OGFRL1: variants seen among roughly 807,000 people sequenced by gnomAD.
OGFRL1 encodes opioid growth factor receptor like 1.
In OGFRL1, 26 loss-of-function variants were observed where a neutral mutation model predicts 32.4. The ratio of observed to expected loss-of-function variants is 0.80; its 90% CI spans 0.59 to 1.11. OGFRL1 has a LOEUF of 1.11. OGFRL1 is among the 50% of genes most tolerant of loss of function. The pLI is 0.00. For synonymous variants in OGFRL1, 211 were observed against 201.2 expected, an observed-to-expected ratio of 1.05 and a Z score of -0.41; for missense variants, 521 against 546.4, an observed-to-expected ratio of 0.95 and a Z score of 0.46.
chr6:71,300,788 T>C (rs1766357168), intron 6 of OGFRL1, among the ~76,000 whole-genome samples: 1 of 152,206 alleles, frequency 6.6e-6, no homozygotes, highest in Admixed American at 6.5e-5. Flanking sequence ...TGAACTCAGG[T>C]CTGACTCCAA....
chr6:71,299,871 G>A (rs1007978791), intron 6 of OGFRL1, among the ~76,000 whole-genome samples: 20 of 152,182 alleles, frequency 1.3e-4, no homozygotes, highest in African/African-American at 4.8e-4. Flanking sequence ...TGAATGTTAA[G>A]ACAATAATTT....
At position 71,293,556 on chromosome 6, in the gene OGFRL1, A is replaced by G; in HGVS notation, c.345A>G (p.Gln115=). ...QYPNFKDIRY[Q]NDLSNLRFYK... ...AGAACTTCAAAGATATCCGATATCA[A>G]AATGACTTGAGCAATCTTCGTTTTT... is the stretch of plus-strand genomic sequence containing the variant. The change falls in exon 3 of 7, where the codon CAA becomes CAG. Residue 115 remains glutamine (Q), a synonymous_variant. Transcript: ENST00000370435. 6.2e-7 allele frequency: 1 copy of G among 1,613,246 alleles called. No homozygotes were observed. Among genetic ancestry groups the G allele is most frequent in the Non-Finnish European group, 8.5e-7 (1 of 1,179,438 alleles).
At chr6:71,289,241 C>G in intron 1 of OGFRL1, 71 bp downstream of exon 1, 1 of 1,027,160 alleles carries the variant, frequency 9.7e-7, no homozygotes, top group East Asian at 9.4e-5. Context: ...AGTGCCAAGC[C>G]GCCCTCGCGC....
Position 71,307,546 on chromosome 6 carries a change from G to T in OGFRL1, c.*5497G>T, listed in dbSNP as rs1047129587. 1 of 152,024 alleles carries T rather than the reference G, an allele frequency of 6.6e-6. No individual in the cohort carries two copies. The highest frequency in any genetic ancestry group is 2.4e-5 in the African/African-American group (1 of 41,396). 9.4% of individuals were successfully genotyped at this position (152,024 alleles called of 1,614,324 possible). A position where few individuals can be genotyped will look rare whatever the true frequency, so the allele number is the denominator to read the frequency against. On this transcript the variant is annotated 3_prime_UTR_variant, in exon 7 of 7. Transcript: ENST00000370435. The stretch of plus-strand genomic sequence containing the variant: ...AAATTAGGGAAGTTGTTCATTCACA[G>T]CTGTATATTAATATAAAATCTCTTT...
rs1135027 is a variant in OGFRL1, at chr6:71,303,048, G to C, written c.*999G>C. ...CTCCATATTCAGGGGTCCAGCATCT[G>C]TGGATTCAACCAACCGCAGATTGAA... On this transcript the variant is annotated 3_prime_UTR_variant, in exon 7 of 7. Transcript: ENST00000370435. 32,974 of 152,052 alleles carry C rather than the reference G, an allele frequency of 0.22. 3,881 individuals carry two copies. The highest frequency in any genetic ancestry group is 0.34 in the East Asian group (1,745 of 5,150). The allele number at this position is 152,052 out of a possible 1,614,324, so 9.4% of individuals were successfully genotyped here.
chr6:71,289,461 A>C (rs1355101686), intron 1 of OGFRL1: 1 of 981,616 alleles, frequency 1.0e-6, no homozygotes, highest in East Asian at 1.2e-4. Flanking sequence ...TTGCCTCTGC[A>C]GAGCAGCTGG....
In OGFRL1 at chr6:71,288,925, G is replaced by C; in HGVS notation, c.-12G>C. On this transcript the variant is annotated 5_prime_UTR_variant, in exon 1 of 7. Transcript: ENST00000370435. ...GCAGCCCCGCAGCCCCGCGCCCGCC[G>C]CCGCCTCTTCAATGGGCAACCTGCT... 7.5e-7 allele frequency: 1 copy of C among 1,337,354 alleles called. No individual in the cohort carries two copies. Among genetic ancestry groups the C allele is most frequent in the Non-Finnish European group, 9.7e-7 (1 of 1,027,582 alleles). The allele number at this position is 1,337,354 out of a possible 1,614,324, so 82.8% of individuals were successfully genotyped here.
At position 71,301,379 on chromosome 6, in the gene OGFRL1, C is replaced by A; in HGVS notation, c.693-7C>A. 1 of 1,552,196 alleles carries A rather than the reference C, an allele frequency of 6.4e-7. No homozygotes were observed. Among genetic ancestry groups the A allele is most frequent in the Non-Finnish European group, 8.7e-7 (1 of 1,152,582 alleles). ...CCCCACTCATTTTATTCAATCCTCT[C>A]TTCCAGGTCCCAGCACAACTATTTA... is the stretch of plus-strand genomic sequence containing the variant. On this transcript the variant is annotated splice_region_variant and splice_polypyrimidine_tract_variant and intron_variant, in intron 6 of 6. Coordinates refer to ENST00000370435, the MANE Select transcript of OGFRL1 (RefSeq NM_024576.5).
rs748481437 is a variant in OGFRL1, at chr6:71,305,040, C to A, written c.*2991C>A. ...CTATGTTTTGTAATTTTAAAAACTACGATATGCTTGCAGAAATTCATTGAG... is the reference window on the plus strand; with the variant it reads ...CTATGTTTTGTAATTTTAAAAACTAAGATATGCTTGCAGAAATTCATTGAG... On this transcript the variant is annotated 3_prime_UTR_variant, in exon 7 of 7. Coordinates refer to ENST00000370435, the MANE Select transcript of OGFRL1 (RefSeq NM_024576.5). 2 of 151,884 alleles carry A rather than the reference C, an allele frequency of 1.3e-5. No individual in the cohort carries two copies. Among genetic ancestry groups the A allele is most frequent in the Non-Finnish European group, 2.9e-5 (2 of 67,854 alleles). 9.4% of individuals were successfully genotyped at this position (151,884 alleles called of 1,614,324 possible).
In OGFRL1 at chr6:71,305,321, ATATAGT is replaced by A. The variant is rs1363264282; in HGVS notation, c.*3277_*3282del. The A allele has an allele frequency of 1.3e-5, 2 of 152,082 alleles. No homozygotes were observed. Among genetic ancestry groups the A allele is most frequent in the Non-Finnish European group, 1.5e-5 (1 of 67,920 alleles). 9.4% of individuals were successfully genotyped at this position (152,082 alleles called of 1,614,324 possible). ...CTATTTTTAAATACTGTAAAGTGAC[ATATAGT>A]TATAAGATATATTTCTGTACAGTAG... On this transcript the variant is annotated 3_prime_UTR_variant, in exon 7 of 7. Coordinates refer to ENST00000370435, the MANE Select transcript of OGFRL1 (RefSeq NM_024576.5).
intron 6 of OGFRL1, among the ~76,000 whole-genome samples, 196 bp downstream of exon 6, chr6:71,297,013 C>A (rs910319102): frequency 1.3e-5 from 2 of 152,176 alleles, no homozygotes; most frequent in African/African-American, 2.4e-5. Context: ...GAACAAAATT[C>A]TAGGTAGAAA....
chr6:71,293,644 T>C, intron 3 of OGFRL1, 33 bp downstream of exon 3: 1 of 1,359,720 alleles, frequency 7.4e-7, no homozygotes, highest in Non-Finnish European at 1.0e-6. Context: ...AATTGCACTT[T>C]AAATAATCAC....
chr6:71,290,742 G>T (rs2149351172), intron 1 of OGFRL1, among the ~76,000 whole-genome samples: 1 of 152,260 alleles, frequency 6.6e-6, no homozygotes, highest in Non-Finnish European at 1.5e-5. Context: ...GCGTATCCCA[G>T]ACTGACTCCT....
chr6:71,296,693 G>C lies in OGFRL1; in HGVS notation c.568G>C (p.Ala190Pro). ...EIEEFKKTKE[A>P]IRRFLLAYKM... ...TTAGGAATTCAAAAAAACAAAAGAAGCAATTAGAAGATTCCTCCTGGCTTA... is the reference window on the plus strand; with the variant it reads ...TTAGGAATTCAAAAAAACAAAAGAACCAATTAGAAGATTCCTCCTGGCTTA... Residue 190 changes from alanine (A) to proline (P), a missense_variant, in exon 6 of 7, where the codon GCA (alanine) becomes CCA (proline). Physicochemically the swap from Ala to Pro is conservative, Grantham distance 27. Transcript: ENST00000370435. 6.2e-7 allele frequency: 1 copy of C among 1,611,030 alleles called. No individual in the cohort carries two copies. The highest frequency in any genetic ancestry group is 8.5e-7 in the Non-Finnish European group (1 of 1,179,032).
Position 71,302,618 on chromosome 6 carries a change from T to C in OGFRL1, c.*569T>C, listed in dbSNP as rs1191353653. 1 of 152,224 alleles carries C rather than the reference T, an allele frequency of 6.6e-6. No homozygotes were observed. The highest frequency in any genetic ancestry group is 1.5e-5 in the Non-Finnish European group (1 of 68,150). The allele number at this position is 152,224 out of a possible 1,614,324, so 9.4% of individuals were successfully genotyped here. ...TCCTGAGTAGCTGGGATTACAGGCG[T>C]GTGCCACCACGCCTGGCTAATTTTT... On this transcript the variant is annotated 3_prime_UTR_variant, in exon 7 of 7. Coordinates refer to ENST00000370435, the MANE Select transcript of OGFRL1 (RefSeq NM_024576.5).
rs1298041604 is a variant in OGFRL1, at chr6:71,301,551, A to G, written c.858A>G (p.Thr286=). The change falls in exon 7 of 7, where the codon ACA becomes ACG. Residue 286 remains threonine, a synonymous_variant. Transcript: ENST00000370435. ...KQSALEYFVY[T]IRDRRERRKL... ...GTGCTCTAGAGTATTTTGTTTATAC[A>G]ATTAGAGACAGAAGAGAAAGGAGAA... 2 of 1,614,074 alleles carry G rather than the reference A, an allele frequency of 1.2e-6. No individual in the cohort carries two copies. Among genetic ancestry groups the G allele is most frequent in the Non-Finnish European group, 1.7e-6 (2 of 1,180,046 alleles).
At chr6:71,294,339 T>C (rs983364558) in intron 3 of OGFRL1, among the ~76,000 whole-genome samples, 6 of 152,194 alleles carry the variant, frequency 3.9e-5, no homozygotes, top group African/African-American at 1.4e-4. Flanking sequence ...AAAGCTGGCT[T>C]CTCTCCCAAG....
Position 71,301,783 on chromosome 6 carries a change from G to A in OGFRL1, c.1090G>A (p.Glu364Lys), listed in dbSNP as rs753835864. The A allele has an allele frequency of 4.0e-5, 65 of 1,613,598 alleles. No individual in the cohort carries two copies. The highest frequency in any genetic ancestry group is 4.9e-5 in the Non-Finnish European group (58 of 1,179,970). Residue 364 changes from glutamate to lysine, a missense_variant, in exon 7 of 7, where the codon GAA becomes AAA. Glu to Lys is a moderately conservative substitution (Grantham distance 56, BLOSUM62 1). Transcript: ENST00000370435. ...SAVHLNSKTA[E>K]DKKVAPKEPV... ...TGTTCATTTAAATAGCAAAACAGCTGAAGACAAAAAAGTGGCACCAAAAGA... is the reference window on the plus strand; with the variant it reads ...TGTTCATTTAAATAGCAAAACAGCTAAAGACAAAAAAGTGGCACCAAAAGA...
chr6:71,301,667 C>T lies in OGFRL1; in HGVS notation c.974C>T (p.Ala325Val). ...AAAGAACAGTCGGAGGGAAGCAAAG[C>T]CCAGAAAATGTCTTCCCCTCTCGCC... Reference protein sequence around the residue: ...PRKEQSEGSKAQKMSSPLASS... With the variant: ...PRKEQSEGSKVQKMSSPLASS... The change falls in exon 7 of 7, where the codon GCC becomes GTC. Residue 325 changes from alanine to valine, a missense_variant. Ala to Val is a moderately conservative substitution (Grantham distance 64, BLOSUM62 0). Transcript: ENST00000370435. 5 of 1,613,956 alleles carry T rather than the reference C, an allele frequency of 3.1e-6. No individual in the cohort carries two copies. Among genetic ancestry groups the T allele is most frequent in the Non-Finnish European group, 4.2e-6 (5 of 1,180,008 alleles).
Sources: allele counts gnomAD v4.1 joint callset (sites outside exome capture counted in the v4.1 genomes callset), GRCh38; gene constraint gnomAD v4.1.1; transcripts MANE v1.5; gene names NCBI Gene and HGNC (gene_info 2026-07-23, HGNC 2026-07-21).